The following SLC12A1 variants were observed in gnomAD, a reference collection of about 807,000 sequenced individuals.
SLC12A1 encodes Na-K-2Cl cotransporter.
SLC12A1 carries 89 observed loss-of-function variants against 130.4 expected under a neutral mutation model. The observed-to-expected ratio is 0.68, with a 90% CI of 0.58 to 0.81. SLC12A1 has a LOEUF of 0.81. SLC12A1 is among the 40% of genes least tolerant of loss of function. The probability of loss-of-function intolerance (pLI) is 0.00; values close to 1 mark genes in which losing one functional copy is unlikely to be tolerated. For synonymous variants in SLC12A1, 499 were observed against 460.0 expected, an observed-to-expected ratio of 1.08 and a Z score of -1.09; for missense variants, 1,310 against 1,336.4, an observed-to-expected ratio of 0.98 and a Z score of 0.31.
intron 2 of SLC12A1, among the ~76,000 whole-genome samples, chr15:48,209,925 T>G (rs755815472): frequency 6.6e-6 from 1 of 152,210 alleles, no homozygotes; most frequent in Non-Finnish European, 1.5e-5. Flanking sequence ...CTTATAGACC[T>G]AAGATTTAGA....
chr15:48,259,084 T>C (rs774228139), intron 16 of SLC12A1, 116 bp from the exon 17 acceptor site: 18 of 653,836 alleles, frequency 2.8e-5, no homozygotes, highest in African/African-American at 5.4e-5. Flanking sequence ...AAAAAATAGA[T>C]AGGGGAGAGG....
At chr15:48,251,553 T>C (rs996863390) in intron 14 of SLC12A1, 62 bp from the exon 15 acceptor site, 9 of 1,320,758 alleles carry the variant, frequency 6.8e-6, no homozygotes, top group Non-Finnish European at 9.8e-6. Context: ...TGCATTCTTC[T>C]AATATTCAGT....
At chr15:48,252,649 C>G (rs2141066186) in intron 15 of SLC12A1, among the ~76,000 whole-genome samples, 1 of 152,000 alleles carries the variant, frequency 6.6e-6, no homozygotes, top group East Asian at 1.9e-4. Context: ...GTCAAACACT[C>G]AGTGGACATT....
chr15:48,301,506 G>C lies in SLC12A1; in HGVS notation c.3164+124G>C, dbSNP rs1045320907. 3 of 546,562 alleles carry C rather than the reference G, an allele frequency of 5.5e-6. No individual in the cohort carries two copies. The South Asian group carries it at 7.5e-5, about 14-fold the overall frequency. 33.9% of individuals were successfully genotyped at this position (546,562 alleles called of 1,614,324 possible). On this transcript the variant is annotated intron_variant, in intron 26 of 26. Transcript: ENST00000380993. ...GTTTTGTTTTTGTGTTTTTTTTGGG[G>C]GGGGGAACACGTGGGATTCTTAGAC...
chr15:48,255,760 C>A (rs2041699896), intron 15 of SLC12A1, 51 bp from the exon 16 acceptor site: 1 of 1,123,498 alleles, frequency 8.9e-7, no homozygotes, highest in Non-Finnish European at 1.3e-6. Flanking sequence ...ATTCATGGTG[C>A]ACAGAGGAAA....
At position 48,267,561 on chromosome 15, in the gene SLC12A1, G is replaced by T. The variant is rs1193100543; in HGVS notation, c.2155G>T (p.Gly719Ter). ...GLCICCEVFV[G>*]PRKLCVKEMN... is the part of the protein sequence containing the mutation. ...ACCAATATTTCATTGTGTCACACAGGGACCGCGCAAACTGTGTGTTAAGGA... is the reference window on the plus strand; with the variant it reads ...ACCAATATTTCATTGTGTCACACAGTGACCGCGCAAACTGTGTGTTAAGGA... Residue 719 changes from glycine to a stop codon, truncating the protein, a stop_gained and splice_region_variant, in exon 18 of 27, where the codon GGA (glycine) becomes TGA (stop). Coordinates refer to ENST00000380993, the MANE Select transcript of SLC12A1 (RefSeq NM_000338.3). LOFTEE classifies it high-confidence loss of function. 1.2e-6 allele frequency: 2 copies of T among 1,613,222 alleles called. No individual in the cohort carries two copies. The highest frequency in any genetic ancestry group is 3.3e-4 in the Middle Eastern group (2 of 6,060).
rs1205357128 is a variant in SLC12A1 at position 48,211,614 on chromosome 15, C to A, written c.420+3475C>A. On this transcript the variant is annotated intron_variant, in intron 2 of 26. Coordinates refer to ENST00000380993, the MANE Select transcript of SLC12A1 (RefSeq NM_000338.3). ...TTGACACAGTACAAGCTAGACAATA[C>A]TTTTTGTAACTATGATTAGAATGCT... is the stretch of plus-strand genomic sequence containing the variant. 1.1e-4 allele frequency among the ~76,000 whole-genome samples: 17 copies of A among 152,132 alleles called. 1 individual carries two copies. The highest frequency in any genetic ancestry group is 1.0e-3 in the Admixed American group (16 of 15,288).
chr15:48,227,006 A>G (rs1334418327), intron 5 of SLC12A1: 3 of 928,226 alleles, frequency 3.2e-6, no homozygotes. Flanking sequence ...CAAGATTCAG[A>G]CTGCTGCCTC....
intron 19 of SLC12A1, among the ~76,000 whole-genome samples, chr15:48,274,174 C>T (rs926766793): frequency 6.6e-6 from 1 of 152,084 alleles, no homozygotes; most frequent in Non-Finnish European, 1.5e-5. Flanking sequence ...TTCTGGGAGG[C>T]GGCCAGGTTG....
intron 20 of SLC12A1, among the ~76,000 whole-genome samples, chr15:48,282,742 T>C (rs918249574): frequency 1.3e-5 from 2 of 152,176 alleles, no homozygotes; most frequent in African/African-American, 4.8e-5. Context: ...GGATGGGCCA[T>C]CATTTTGGGG....
chr15:48,233,213 G>GA (rs1308947669), intron 8 of SLC12A1, among the ~76,000 whole-genome samples: 1 of 152,168 alleles, frequency 6.6e-6, no homozygotes, highest in Non-Finnish European at 1.5e-5. Context: ...TTAACAGCTG[G>GA]ACAGAACACC....
At chr15:48,218,023 T>C (rs1019778129) in intron 2 of SLC12A1, 2 of 152,400 alleles carry the variant, frequency 1.3e-5, no homozygotes, top group African/African-American at 4.8e-5. Flanking sequence ...TTGCCTAGGC[T>C]GGTCTCAAAC....
At chr15:48,227,314 A>G in intron 5 of SLC12A1, 1 of 669,456 alleles carries the variant, frequency 1.5e-6, no homozygotes, top group South Asian at 1.9e-5. Flanking sequence ...TTAAACAGCA[A>G]AGCAAAATTT....
intron 15 of SLC12A1, among the ~76,000 whole-genome samples, chr15:48,252,983 T>C (rs2041665022): frequency 6.6e-6 from 1 of 152,194 alleles, no homozygotes; most frequent in South Asian, 2.1e-4. Context: ...TGCCACAGGC[T>C]AATCAATTGG....
intron 7 of SLC12A1, among the ~76,000 whole-genome samples, chr15:48,232,188 A>T (rs6493310): frequency 0.082 from 12,509 of 152,230 alleles, 1,131 homozygotes; most frequent in African/African-American, 0.23. Flanking sequence ...AACACCTTGC[A>T]GCATTGGAGG....
intron 19 of SLC12A1, among the ~76,000 whole-genome samples, chr15:48,273,113 A>AC (rs1566851005): frequency 6.6e-6 from 1 of 151,406 alleles, no homozygotes; most frequent in African/African-American, 2.4e-5. Context: ...AAAAAAAAAA[A>AC]AAAAAAACCT....
chr15:48,226,014 C>A, intron 4 of SLC12A1: 1 of 399,308 alleles, frequency 2.5e-6, no homozygotes, highest in Non-Finnish European at 3.4e-6. Flanking sequence ...AACAGTTCAC[C>A]ACTGACCTTT....
chr15:48,217,914 C>G (rs1036231100), intron 2 of SLC12A1: 1 of 152,494 alleles, frequency 6.6e-6, no homozygotes, highest in African/African-American at 2.4e-5. Context: ...TCAAGCAATC[C>G]TCCCACTTCA....
Position 48,235,003 on chromosome 15 carries a change from A to C in SLC12A1, c.1214A>C (p.Glu405Ala), listed in dbSNP as rs764404043. ...GGTGCCAATATCTCAGGAGATTTGG[A>C]GGTACGTTGTTTGCTCTGCTTTGCA... is the stretch of plus-strand genomic sequence containing the variant. Reference protein sequence around the residue: ...LAGANISGDLEDPQDAIPRGT... With the variant: ...LAGANISGDLADPQDAIPRGT... Residue 405 changes from glutamate to alanine, a missense_variant and splice_region_variant, in exon 9 of 27, where the codon GAG becomes GCG. Glu to Ala is a moderately radical substitution (Grantham distance 107). Transcript: ENST00000380993. 7.4e-6 allele frequency: 12 copies of C among 1,613,616 alleles called. No homozygotes were observed. Among genetic ancestry groups the C allele is most frequent in the Non-Finnish European group, 1.0e-5 (12 of 1,179,812 alleles).
Sources: allele counts gnomAD v4.1 joint callset (sites outside exome capture counted in the v4.1 genomes callset), GRCh38; gene constraint gnomAD v4.1.1; transcripts MANE v1.5; gene names NCBI Gene and HGNC (gene_info 2026-07-23, HGNC 2026-07-21).